RALYL: variants seen among roughly 807,000 people sequenced by gnomAD.
RALYL encodes RALY RNA binding protein like, also known as RNA-binding Raly-like protein.
A neutral mutation model predicts 35.1 loss-of-function variants in RALYL; 29 were observed. The ratio of observed to expected loss-of-function variants is 0.83; its 90% CI spans 0.61 to 1.13. The LOEUF (loss-of-function observed/expected upper bound fraction) is 1.13. RALYL is among the 50% of genes most tolerant of loss of function. The pLI is 0.00. For synonymous variants in RALYL, 120 were observed against 127.6 expected (o/e 0.94, Z 0.40); for missense variants, 359 against 360.4 (o/e 1.00, Z 0.03).
At chr8:84,475,570 G>A (rs2053300636) in intron 1 of RALYL, among the ~76,000 whole-genome samples, 1 of 152,080 alleles carries the variant, frequency 6.6e-6, no homozygotes, top group Non-Finnish European at 1.5e-5. Flanking sequence ...AGAAATATGT[G>A]TTTAGACATA....
rs1846055859 is a variant in RALYL at position 84,730,923 on chromosome 8, AT to A, written c.257-43653del. On this transcript the variant is annotated intron_variant, in intron 2 of 8. Transcript: ENST00000521268. ...TAATGAAAAAATATGCTGTGATGGA[AT>A]TTAGGTTAGTGAATAAGAAAGAGGA... 2.6e-5 allele frequency among the ~76,000 whole-genome samples: 4 copies of A among 152,204 alleles called. No individual in the cohort carries two copies. In the South Asian group the frequency reaches 8.3e-4, roughly 32 times the overall value.
intron 1 of RALYL, among the ~76,000 whole-genome samples, chr8:84,377,463 T>TTG (rs1563816414): frequency 6.9e-6 from 1 of 145,482 alleles, no homozygotes; most frequent in Admixed American, 6.8e-5. Flanking sequence ...TTTTTTTTTT[T>TTG]TTTTTTTTTT....
At chr8:84,562,769 C>T (rs1030962973) in intron 2 of RALYL, among the ~76,000 whole-genome samples, 13 of 151,882 alleles carry the variant, frequency 8.6e-5, no homozygotes, top group African/African-American at 2.7e-4. Context: ...GAATCAGATT[C>T]TGCATTTTAA....
At chr8:84,756,833 C>T (rs918662142) in intron 2 of RALYL, among the ~76,000 whole-genome samples, 4 of 151,556 alleles carry the variant, frequency 2.6e-5, no homozygotes, top group African/African-American at 7.3e-5. Flanking sequence ...CTTTTCTTTA[C>T]ATAATGGAAG....
intron 1 of RALYL, among the ~76,000 whole-genome samples, chr8:84,508,397 A>C (rs1236564030): frequency 6.6e-6 from 1 of 152,148 alleles, no homozygotes; most frequent in Non-Finnish European, 1.5e-5. Flanking sequence ...GATGATCAAT[A>C]TCTCCAAATA....
chr8:84,382,813 G>A lies in RALYL; in HGVS notation c.-23-146486G>A, dbSNP rs540999937. Among the ~76,000 whole-genome samples the A allele has an allele frequency of 2.0e-5, 3 of 151,624 alleles. No individual in the cohort carries two copies. The South Asian group carries it at 6.2e-4, about 32-fold the overall frequency. On this transcript the variant is annotated intron_variant, in intron 1 of 8. Coordinates refer to ENST00000521268, the MANE Select transcript of RALYL (RefSeq NM_173848.7). ...TCATTAACTCTTCATGCTTCATGAA[G>A]CAAAAAGGGTTATTTCATTTGTGAG...
chr8:84,683,783 T>A (rs1249602735), intron 2 of RALYL, among the ~76,000 whole-genome samples: 1 of 152,134 alleles, frequency 6.6e-6, no homozygotes, highest in Non-Finnish European at 1.5e-5. Context: ...GCCTCCTGAT[T>A]TCAAGCGATT....
chr8:84,779,024 G>C (rs983819287), intron 3 of RALYL, among the ~76,000 whole-genome samples: 3 of 152,164 alleles, frequency 2.0e-5, no homozygotes, highest in African/African-American at 4.8e-5. Context: ...TCTCCCATTA[G>C]AGTCTATTTG....
At chr8:84,853,173 A>G (rs1430985826) in intron 5 of RALYL, among the ~76,000 whole-genome samples, 2 of 152,182 alleles carry the variant, frequency 1.3e-5, no homozygotes, top group Non-Finnish European at 2.9e-5. Context: ...CAGCCCAGCA[A>G]GTCCCAGCCT....
chr8:84,584,284 T>G (rs1438894721), intron 2 of RALYL, among the ~76,000 whole-genome samples: 3 of 152,168 alleles, frequency 2.0e-5, no homozygotes, highest in Non-Finnish European at 4.4e-5. Context: ...AGTACCACAT[T>G]CCCACACCTT....
intron 1 of RALYL, among the ~76,000 whole-genome samples, chr8:84,212,443 T>A (rs544228465): frequency 2.6e-5 from 4 of 152,286 alleles, no homozygotes; most frequent in African/African-American, 7.2e-5. Context: ...GTGTTTATTT[T>A]AAAAAATTAT....
chr8:84,794,910 T>C (rs979661510), intron 3 of RALYL, among the ~76,000 whole-genome samples: 2 of 152,218 alleles, frequency 1.3e-5, no homozygotes, highest in African/African-American at 2.4e-5. Flanking sequence ...TAATTTCCAA[T>C]GTGGCAAAAG....
chr8:84,204,574 T>A (rs1817642779), intron 1 of RALYL, among the ~76,000 whole-genome samples: 1 of 152,166 alleles, frequency 6.6e-6, no homozygotes, highest in Admixed American at 6.6e-5. Flanking sequence ...TGTGTTCATC[T>A]GTTTGGTTTT....
intron 1 of RALYL, among the ~76,000 whole-genome samples, chr8:84,242,067 C>T (rs1385849404): frequency 6.6e-6 from 1 of 152,150 alleles, no homozygotes; most frequent in Admixed American, 6.5e-5. Flanking sequence ...GTGTTCTCAT[C>T]GTTCAGCTCC....
At chr8:84,453,348 T>C (rs903503998) in intron 1 of RALYL, among the ~76,000 whole-genome samples, 1 of 151,956 alleles carries the variant, frequency 6.6e-6, no homozygotes, top group African/African-American at 2.4e-5. Context: ...ACATGATATC[T>C]ATGAAGGTAA....
chr8:84,428,755 G>C (rs963309823), intron 1 of RALYL, among the ~76,000 whole-genome samples: 3 of 151,974 alleles, frequency 2.0e-5, no homozygotes, highest in Admixed American at 6.6e-5. Context: ...ACATATATAG[G>C]GTGAAGTTAC....
Position 84,862,418 on chromosome 8 carries a change from C to T in RALYL, c.536C>T (p.Ser179Leu), listed in dbSNP as rs759911847. 14 of 1,605,456 alleles carry T rather than the reference C, an allele frequency of 8.7e-6. 1 individual carries two copies. Among genetic ancestry groups the T allele is most frequent in the Middle Eastern group, 1.7e-4 (1 of 6,060 alleles). Reference protein sequence around the residue: ...GKGVFSMKGGSRSTASGSTGS... With the variant: ...GKGVFSMKGGLRSTASGSTGS... ...GGAGTCTTTTCCATGAAAGGTGGATCGAGATCTACTGCCAGTGGGTCAACA... is the reference window on the plus strand; with the variant it reads ...GGAGTCTTTTCCATGAAAGGTGGATTGAGATCTACTGCCAGTGGGTCAACA... The change falls in exon 6 of 9, where the codon TCG becomes TTG. Residue 179 changes from serine (S) to leucine (L), a missense_variant. Coordinates refer to ENST00000521268, the MANE Select transcript of RALYL (RefSeq NM_173848.7).
chr8:84,185,094 C>CCGTTG (rs1812164377), intron 1 of RALYL: 4 of 1,491,132 alleles, frequency 2.7e-6, no homozygotes, highest in Non-Finnish European at 3.7e-6. Context: ...TTTTTTTTCC[C>CCGTTG]TGTTGTGTTG....
chr8:84,476,359 A>C (rs772897499), intron 1 of RALYL, among the ~76,000 whole-genome samples: 9 of 152,142 alleles, frequency 5.9e-5, no homozygotes, highest in Non-Finnish European at 1.3e-4. Flanking sequence ...TCAAGCTTCC[A>C]CTCCCATACA....
Sources: allele counts gnomAD v4.1 joint callset (sites outside exome capture counted in the v4.1 genomes callset), GRCh38; gene constraint gnomAD v4.1.1; transcripts MANE v1.5; gene names NCBI Gene and HGNC (gene_info 2026-07-23, HGNC 2026-07-21).